The following KLRG1 variants were observed in gnomAD, a reference collection of about 807,000 sequenced individuals.
KLRG1 encodes the protein killer cell lectin like receptor G1.
A neutral mutation model predicts 21.8 loss-of-function variants in KLRG1; 16 were observed. The ratio of observed to expected loss-of-function variants is 0.73; its 90% CI spans 0.50 to 1.11. The LOEUF is 1.11. Among genes scored for constraint, KLRG1 ranks in the 50% most tolerant of loss-of-function variants. The pLI is 0.00. For missense variants in KLRG1, 173 were observed against 218.3 expected (o/e 0.79, Z 1.31); for synonymous variants, 69 against 75.9 (o/e 0.91, Z 0.47).
At chr12:8,952,875 C>G (rs1454988477) in intron 1 of KLRG1, among the ~76,000 whole-genome samples, 1 of 152,220 alleles carries the variant, frequency 6.6e-6, no homozygotes, top group Admixed American at 6.5e-5. Flanking sequence ...GGAGCCAAGC[C>G]AGAGTCACAC....
At chr12:9,125,180 G>T in the KLRG1 span, among the ~76,000 whole-genome samples, 1 of 152,214 alleles carries the variant, frequency 6.6e-6, no homozygotes, top group Non-Finnish European at 1.5e-5. Context: ...CCTCCTCTCT[G>T]CTGAGAGCAG....
the KLRG1 span, among the ~76,000 whole-genome samples, chr12:9,193,818 C>T: frequency 6.6e-6 from 1 of 152,038 alleles, no homozygotes; most frequent in Non-Finnish European, 1.5e-5. Flanking sequence ...ATATTGTTCA[C>T]GACCCAAATC....
chr12:9,142,565 AT>A, the KLRG1 span, among the ~76,000 whole-genome samples: 1 of 152,204 alleles, frequency 6.6e-6, no homozygotes, highest in African/African-American at 2.4e-5. Flanking sequence ...AAAATATTTG[AT>A]TTAAGCACTT....
chr12:9,013,432 T>C (rs544163146), downstream of KLRG1, among the ~76,000 whole-genome samples: 272 of 152,244 alleles, frequency 1.8e-3, 10 homozygotes, highest in South Asian at 0.054. Context: ...AGACAGAGAA[T>C]GTGAAATAGC....
At chr12:9,204,099 C>T in the KLRG1 span, 1 of 813,258 alleles carries the variant, frequency 1.2e-6, no homozygotes, top group South Asian at 2.0e-5. Context: ...GGTTCTGTCA[C>T]AGATCAGCAC....
At chr12:9,007,693 A>T (rs771358418) in intron 3 of KLRG1, among the ~76,000 whole-genome samples, 44 of 152,346 alleles carry the variant, frequency 2.9e-4, no homozygotes, top group African/African-American at 9.9e-4. Flanking sequence ...TCAGGAGTGG[A>T]ATAAAAACAA....
the KLRG1 span, among the ~76,000 whole-genome samples, chr12:9,170,858 G>A: frequency 9.9e-5 from 15 of 152,222 alleles, no homozygotes; most frequent in African/African-American, 3.1e-4. This position sits in a 1 kb window ranked among gnomAD's most constrained non-coding sequence, Gnocchi z 4.6. Flanking sequence ...CCCTGGGACC[G>A]AGCTCCTGGG....
chr12:9,100,987 A>G, the KLRG1 span, among the ~76,000 whole-genome samples: 80 of 152,310 alleles, frequency 5.3e-4, 1 homozygote, highest in East Asian at 0.013. Context: ...AAAATCTCGG[A>G]AATCACTACC....
the KLRG1 span, chr12:9,107,516 C>T: frequency 1.2e-6 from 2 of 1,613,650 alleles, no homozygotes; most frequent in Admixed American, 3.3e-5. Flanking sequence ...AAATAGTGTT[C>T]AACCTACCTG....
At chr12:9,147,608 A>C in the KLRG1 span, among the ~76,000 whole-genome samples, 1 of 152,050 alleles carries the variant, frequency 6.6e-6, no homozygotes, top group African/African-American at 2.4e-5. Context: ...ACTGGTGTTC[A>C]TGTGTGGGAC....
At chr12:8,968,155 C>T (rs981017512) in intron 1 of KLRG1, among the ~76,000 whole-genome samples, 4 of 151,538 alleles carry the variant, frequency 2.6e-5, no homozygotes, top group African/African-American at 9.7e-5. Flanking sequence ...ATGATAATCA[C>T]ATTATCTAAA....
the KLRG1 span, chr12:9,200,458 G>A: frequency 1.7e-5 from 26 of 1,575,644 alleles, no homozygotes; most frequent in Non-Finnish European, 2.2e-5. Flanking sequence ...ACTGTTAATA[G>A]AGATAATAGG....
chr12:9,094,979 A>T, the KLRG1 span: 1 of 1,533,968 alleles, frequency 6.5e-7, no homozygotes, highest in African/African-American at 1.4e-5. Flanking sequence ...TTACCATAAA[A>T]ACCTACACGT....
At chr12:8,958,448 A>C (rs1448500976) in intron 1 of KLRG1, among the ~76,000 whole-genome samples, 1 of 152,178 alleles carries the variant, frequency 6.6e-6, no homozygotes, top group Admixed American at 6.5e-5. Flanking sequence ...TTTTATATTA[A>C]GTCTTGAAGA....
the KLRG1 span, among the ~76,000 whole-genome samples, chr12:9,094,340 C>CATATAT: frequency 0.025 from 2,380 of 96,900 alleles, 50 homozygotes; most frequent in East Asian, 0.065. Flanking sequence ...AAAAATTGTG[C>CATATAT]ATATATATAT....
the KLRG1 span, chr12:9,079,861 A>G: frequency 6.8e-7 from 1 of 1,471,794 alleles, no homozygotes; most frequent in African/African-American, 1.4e-5. Flanking sequence ...GGAGATTATC[A>G]TCTATCAAAG....
chr12:9,100,809 A>G, the KLRG1 span, among the ~76,000 whole-genome samples: 1 of 152,196 alleles, frequency 6.6e-6, no homozygotes, highest in Admixed American at 6.5e-5. Flanking sequence ...CTAAGCTATT[A>G]GGAAGTGGCA....
At chr12:9,054,577 T>C in the KLRG1 span, among the ~76,000 whole-genome samples, 1 of 152,152 alleles carries the variant, frequency 6.6e-6, no homozygotes, top group Non-Finnish European at 1.5e-5. Context: ...TTAGGAGCTT[T>C]CCTAACACAA....
chr12:8,995,746 G>C (rs1175435016), intron 3 of KLRG1, among the ~76,000 whole-genome samples: 2 of 150,594 alleles, frequency 1.3e-5, no homozygotes, highest in Non-Finnish European at 3.0e-5. Context: ...ACAGTGGTGT[G>C]ATCTTGGCTC....
Sources: gnomAD v4.1 joint callset for allele counts (sites outside exome capture counted in the v4.1 genomes callset) on GRCh38, gnomAD v4.1.1 for gene constraint, Gnocchi (gnomAD v3.1) non-coding constraint, MANE v1.5 for transcripts, NCBI Gene and HGNC (gene_info 2026-07-23, HGNC 2026-07-21) for gene names.